Variants in PRKN observed in about 807,000 individuals in gnomAD.
The protein encoded by PRKN is parkin RBR E3 ubiquitin protein ligase, also known as E3 ubiquitin-protein ligase parkin.
PRKN carries 56 observed loss-of-function variants against 59.5 expected under a neutral mutation model. That is an observed-to-expected ratio of 0.94 (90% CI 0.76 to 1.18). The LOEUF (loss-of-function observed/expected upper bound fraction) is 1.18, where lower values mean the gene tolerates loss of function less well. PRKN is among the 50% of genes most tolerant of loss of function. The pLI, the probability that PRKN is intolerant of heterozygous loss-of-function variation, is 0.00. For synonymous variants in PRKN, 250 were observed against 222.1 expected, an observed-to-expected ratio of 1.13 and a Z score of -1.12; for missense variants, 657 against 596.4, an observed-to-expected ratio of 1.10 and a Z score of -1.06.
chr6:161,514,283 T>C (rs1236217989), intron 9 of PRKN, among the ~76,000 whole-genome samples: 1 of 152,126 alleles, frequency 6.6e-6, no homozygotes, highest in African/African-American at 2.4e-5. Flanking sequence ...AAGGACTCTT[T>C]AGGCAGGTTG....
chr6:162,544,708 C>T (rs1322442993), intron 1 of PRKN, among the ~76,000 whole-genome samples: 8 of 128,120 alleles, frequency 6.2e-5, no homozygotes, highest in Non-Finnish European at 1.3e-4. Context: ...GACAGAGTCT[C>T]GCTCTGTCAC....
chr6:161,769,017 A>G (rs1307976184), intron 7 of PRKN, among the ~76,000 whole-genome samples: 1 of 152,246 alleles, frequency 6.6e-6, no homozygotes, highest in Non-Finnish European at 1.5e-5. Flanking sequence ...AGAACTATCA[A>G]TAACTTTCCA....
chr6:161,635,769 G>A (rs545520122), intron 7 of PRKN, among the ~76,000 whole-genome samples: 3 of 152,286 alleles, frequency 2.0e-5, no homozygotes, highest in South Asian at 2.1e-4. Context: ...CTTGGGGGCC[G>A]TTGAATTGGT....
intron 4 of PRKN, among the ~76,000 whole-genome samples, chr6:162,103,498 A>G (rs1780063575): frequency 1.3e-5 from 2 of 152,210 alleles, no homozygotes; most frequent in Admixed American, 1.3e-4. Flanking sequence ...ATTAAAGCAA[A>G]CAGAAAAGAA....
Position 161,354,255 on chromosome 6 carries a change from A to G in PRKN, c.1286-4044T>C, listed in dbSNP as rs1784670820. On this transcript the variant is annotated intron_variant, in intron 11 of 11. Coordinates refer to ENST00000366898, the MANE Select transcript of PRKN (RefSeq NM_004562.3). This position sits in a 1 kb window ranked among gnomAD's most constrained non-coding sequence, Gnocchi z 6.7. Reference sequence around the variant, plus strand: ...GCAATTCTAAAAGCTTTGCCAGCTTAAAAGTAAGTGCATCCAGGAAGCAGC... The same window carrying G: ...GCAATTCTAAAAGCTTTGCCAGCTTGAAAGTAAGTGCATCCAGGAAGCAGC... Among the ~76,000 whole-genome samples, 2 of 152,192 alleles carry G rather than the reference A, an allele frequency of 1.3e-5. No homozygotes were observed. Among genetic ancestry groups the G allele is most frequent in the Non-Finnish European group, 2.9e-5 (2 of 68,028 alleles).
At chr6:161,966,658 A>G (rs928838226) in intron 6 of PRKN, among the ~76,000 whole-genome samples, 1 of 152,160 alleles carries the variant, frequency 6.6e-6, no homozygotes, top group Admixed American at 6.5e-5. Flanking sequence ...ATAAACCTCA[A>G]ACTATCAACT....
intron 4 of PRKN, among the ~76,000 whole-genome samples, chr6:162,146,841 T>C (rs117491315): frequency 0.021 from 3,165 of 151,768 alleles, 58 homozygotes; most frequent in South Asian, 0.033. Context: ...AGTGATTCTC[T>C]TGACTCAGCC....
At chr6:161,474,561 G>A (rs1386750718) in intron 9 of PRKN, among the ~76,000 whole-genome samples, 2 of 151,838 alleles carry the variant, frequency 1.3e-5, no homozygotes, top group African/African-American at 2.4e-5. Flanking sequence ...TAGAGCAGCT[G>A]TAGACACCTT....
At position 162,387,765 on chromosome 6, in the gene PRKN, G is replaced by A. The variant is rs377707715; in HGVS notation, c.171+55545C>T. ...TGAAATGGTGTTCTAAACATCCTTCGAATGCTGCCTTTTCTTCACCTTATT... is the reference window on the plus strand; with the variant it reads ...TGAAATGGTGTTCTAAACATCCTTCAAATGCTGCCTTTTCTTCACCTTATT... On this transcript the variant is annotated intron_variant, in intron 2 of 11. Coordinates refer to ENST00000366898, the MANE Select transcript of PRKN (RefSeq NM_004562.3). Among the ~76,000 whole-genome samples, 7 of 152,296 alleles carry A rather than the reference G, an allele frequency of 4.6e-5. No individual in the cohort carries two copies. In the South Asian group the frequency reaches 1.0e-3, roughly 23 times the overall value.
At chr6:162,641,201 A>G (rs1172876380) in intron 1 of PRKN, among the ~76,000 whole-genome samples, 2 of 152,164 alleles carry the variant, frequency 1.3e-5, no homozygotes, top group Admixed American at 1.3e-4. Context: ...CAGTTCTCAC[A>G]ATAGTTTGAG....
intron 6 of PRKN, among the ~76,000 whole-genome samples, chr6:161,911,703 T>C (rs1380568900): frequency 1.3e-5 from 2 of 152,120 alleles, no homozygotes; most frequent in East Asian, 3.9e-4. Context: ...ATGTAGTATA[T>C]CATAAAAATG....
At chr6:162,224,635 A>G (rs1179844038) in intron 3 of PRKN, among the ~76,000 whole-genome samples, 1 of 152,196 alleles carries the variant, frequency 6.6e-6, no homozygotes, top group East Asian at 1.9e-4. Context: ...ATCAAAGGGA[A>G]TTAACAGAGA....
At chr6:162,421,672 A>C (rs1044990940) in intron 2 of PRKN, among the ~76,000 whole-genome samples, 1 of 152,192 alleles carries the variant, frequency 6.6e-6, no homozygotes, top group African/African-American at 2.4e-5. Flanking sequence ...TAGTATAAAT[A>C]AACAGGAGAA....
At chr6:162,176,959 T>C (rs966880617) in intron 4 of PRKN, among the ~76,000 whole-genome samples, 1 of 150,722 alleles carries the variant, frequency 6.6e-6, no homozygotes, top group African/African-American at 2.4e-5. Context: ...AAGGAGTCCT[T>C]TCATAAAATG....
rs569646922 is a variant in PRKN, at chr6:162,546,724, G to A, written c.8-103251C>T. Among the ~76,000 whole-genome samples, 60 of 152,168 alleles carry A rather than the reference G, an allele frequency of 3.9e-4. 1 individual carries two copies. The highest frequency in any genetic ancestry group is 7.7e-4 in the African/African-American group (32 of 41,522). On this transcript the variant is annotated intron_variant, in intron 1 of 11. Transcript: ENST00000366898. ...CTCCCAAAATACTGGGATTACAGGC[G>A]TGAGCCACCGCGCCTGGCCCAACAC...
intron 1 of PRKN, among the ~76,000 whole-genome samples, chr6:162,508,518 A>G (rs1261629692): frequency 6.6e-6 from 1 of 152,328 alleles, no homozygotes; most frequent in South Asian, 2.1e-4. Flanking sequence ...CTGACACACT[A>G]AAAGTCCTCA....
intron 4 of PRKN, among the ~76,000 whole-genome samples, chr6:162,079,883 TTTAGG>T (rs1778989156): frequency 6.6e-6 from 1 of 152,140 alleles, no homozygotes; most frequent in African/African-American, 2.4e-5. Flanking sequence ...TAATGCTGCA[TTTAGG>T]TTATGTTTAT....
intron 2 of PRKN, among the ~76,000 whole-genome samples, chr6:162,288,485 A>G (rs1781291524): frequency 1.3e-5 from 2 of 152,110 alleles, no homozygotes; most frequent in Admixed American, 6.6e-5. Flanking sequence ...CTGAACTACT[A>G]AAAAGAAGTG....
intron 2 of PRKN, among the ~76,000 whole-genome samples, chr6:162,400,458 A>T (rs1787724822): frequency 2.8e-5 from 1 of 36,320 alleles, no homozygotes; most frequent in Admixed American, 3.1e-4. Flanking sequence ...TGTAAATATC[A>T]AAAAAAAAAA....
Sources: allele counts gnomAD v4.1 joint callset (sites outside exome capture counted in the v4.1 genomes callset), GRCh38; gene constraint gnomAD v4.1.1; non-coding constraint Gnocchi (gnomAD v3.1); transcripts MANE v1.5; gene names NCBI Gene and HGNC (gene_info 2026-07-23, HGNC 2026-07-21).